CADM2: variants seen among roughly 807,000 people sequenced by gnomAD.
CADM2 encodes cell adhesion molecule 2, also known as immunoglobulin superfamily member 4D.
CADM2 carries 12 observed loss-of-function variants against 49.8 expected under a neutral mutation model. The ratio of observed to expected loss-of-function variants is 0.24; its 90% CI spans 0.15 to 0.39. The LOEUF is 0.39. Among genes scored for constraint, CADM2 ranks in the 10% least tolerant of loss-of-function variants. The pLI, the probability that CADM2 is intolerant of heterozygous loss-of-function variation, is 1.00. For missense variants in CADM2, 378 were observed against 492.3 expected (o/e 0.77, Z 2.20); for synonymous variants, 214 against 175.4 (o/e 1.22, Z -1.74).
At chr3:86,019,996 AGAACT>A (rs1247418711) in intron 8 of CADM2, among the ~76,000 whole-genome samples, 6 of 152,342 alleles carry the variant, frequency 3.9e-5, no homozygotes, top group African/African-American at 1.4e-4. Context: ...AAATCAGAAC[AGAACT>A]GAAGGAAATA....
In CADM2 at chr3:85,076,778, C is replaced by G. The variant is rs186803123; in HGVS notation, c.61+117110C>G. On this transcript the variant is annotated intron_variant, in intron 1 of 9. Coordinates refer to ENST00000383699, the MANE Select transcript of CADM2 (RefSeq NM_001167675.2). ...CCTGAAGTCAGGAGTTCGAGACCAG[C>G]CTGACCAACATGGTTAAACTCCATC... Among the ~76,000 whole-genome samples the G allele has an allele frequency of 3.5e-3, 526 of 152,112 alleles. 5 individuals carry two copies. Among genetic ancestry groups the G allele is most frequent in the African/African-American group, 0.012 (497 of 41,522 alleles).
At chr3:85,937,294 T>A (rs1721287101) in intron 7 of CADM2, among the ~76,000 whole-genome samples, 1 of 151,852 alleles carries the variant, frequency 6.6e-6, no homozygotes. Flanking sequence ...AAAAGCACAA[T>A]AATTTCTTAT....
chr3:85,893,918 C>G (rs564660122), intron 5 of CADM2, among the ~76,000 whole-genome samples: 1 of 152,290 alleles, frequency 6.6e-6, no homozygotes, highest in South Asian at 2.1e-4. Context: ...ACGAATTCAA[C>G]CGTTGTGGAA....
At chr3:85,990,471 G>A (rs369582345) in intron 8 of CADM2, among the ~76,000 whole-genome samples, 3 of 152,116 alleles carry the variant, frequency 2.0e-5, no homozygotes, top group South Asian at 4.1e-4. Context: ...AAATTTAGGC[G>A]CATCTGTATG....
intron 1 of CADM2, among the ~76,000 whole-genome samples, chr3:85,335,033 C>A (rs2045039573): frequency 6.6e-6 from 1 of 151,072 alleles, no homozygotes; most frequent in African/African-American, 2.4e-5. Context: ...TAAAATATTT[C>A]TAGGTTGTGA....
intron 3 of CADM2, among the ~76,000 whole-genome samples, chr3:85,804,346 A>C (rs1347777580): frequency 6.6e-6 from 1 of 152,142 alleles, no homozygotes; most frequent in Non-Finnish European, 1.5e-5. Flanking sequence ...TTAATTTATA[A>C]ATACTACTTT....
intron 1 of CADM2, among the ~76,000 whole-genome samples, chr3:85,049,898 T>C (rs1021134047): frequency 1.1e-4 from 17 of 152,120 alleles, no homozygotes; most frequent in African/African-American, 4.1e-4. Context: ...TCCCTTATAC[T>C]CAGGCTGCTA....
At chr3:85,019,412 G>T (rs1448817306) in intron 1 of CADM2, among the ~76,000 whole-genome samples, 1 of 152,130 alleles carries the variant, frequency 6.6e-6, no homozygotes, top group African/African-American at 2.4e-5. Flanking sequence ...GAGCCCAGGA[G>T]GTCGAGGCTG....
Position 85,715,198 on chromosome 3 carries a change from T to C in CADM2, c.62-11324T>C, listed in dbSNP as rs577515277. Among the ~76,000 whole-genome samples, 35 of 152,320 alleles carry C rather than the reference T, an allele frequency of 2.3e-4. No individual in the cohort carries two copies. In the South Asian group the frequency reaches 2.5e-3, roughly 11 times the overall value. ...ACCTTCTGCCTTAGCATATAAACTC[T>C]TAGTGGTAGATACCATCCCACTGTT... On this transcript the variant is annotated intron_variant, in intron 1 of 9. Coordinates refer to ENST00000383699, the MANE Select transcript of CADM2 (RefSeq NM_001167675.2).
chr3:85,239,519 AT>A (rs2042482632), intron 1 of CADM2, among the ~76,000 whole-genome samples: 1 of 151,658 alleles, frequency 6.6e-6, no homozygotes, highest in South Asian at 2.1e-4. Context: ...GAGGGACTTC[AT>A]TTTTAACGAA....
At chr3:85,900,083 A>T (rs1291028033) in intron 5 of CADM2, among the ~76,000 whole-genome samples, 2 of 152,130 alleles carry the variant, frequency 1.3e-5, no homozygotes, top group African/African-American at 4.8e-5. Flanking sequence ...AAATCTCTCA[A>T]GATATTAAGC....
intron 1 of CADM2, among the ~76,000 whole-genome samples, chr3:85,498,947 T>C (rs923830047): frequency 1.3e-5 from 2 of 152,134 alleles, no homozygotes; most frequent in African/African-American, 4.8e-5. Flanking sequence ...ACGTTAAGAA[T>C]TGACATTTGC....
At position 85,288,658 on chromosome 3, in the gene CADM2, C is replaced by T. The variant is rs558598302; in HGVS notation, c.61+328990C>T. ...CTCAGCTATACCTGATCTGTAGGTG[C>T]ACATGCAAAATTCAGTGATAAGATT... On this transcript the variant is annotated intron_variant, in intron 1 of 9. Coordinates refer to ENST00000383699, the MANE Select transcript of CADM2 (RefSeq NM_001167675.2). Among the ~76,000 whole-genome samples the T allele has an allele frequency of 2.8e-4, 42 of 152,078 alleles. No individual in the cohort carries two copies. The East Asian group carries it at 8.1e-3, about 29-fold the overall frequency.
At chr3:85,409,982 C>T (rs549703081) in intron 1 of CADM2, among the ~76,000 whole-genome samples, 1 of 152,118 alleles carries the variant, frequency 6.6e-6, no homozygotes, top group Non-Finnish European at 1.5e-5. Flanking sequence ...ACTGACAACT[C>T]TTGAGTATTC....
At chr3:85,683,705 T>C (rs1434141756) in intron 1 of CADM2, among the ~76,000 whole-genome samples, 1 of 152,156 alleles carries the variant, frequency 6.6e-6, no homozygotes, top group African/African-American at 2.4e-5. Context: ...CTAGTACAAG[T>C]AGGAAAATAA....
chr3:85,935,700 G>T, intron 6 of CADM2, 67 bp from the exon 7 acceptor site: 1 of 734,624 alleles, frequency 1.4e-6, no homozygotes, highest in Non-Finnish European at 2.3e-6. Flanking sequence ...ACAGCATGAT[G>T]CACAGTTATT....
intron 2 of CADM2, among the ~76,000 whole-genome samples, chr3:85,739,357 T>C (rs1410233896): frequency 1.3e-5 from 2 of 152,118 alleles, no homozygotes; most frequent in East Asian, 3.9e-4. Context: ...TTATAACTTA[T>C]AAAACTGATA....
intron 1 of CADM2, among the ~76,000 whole-genome samples, chr3:85,592,884 G>C (rs2063145869): frequency 6.6e-6 from 1 of 151,824 alleles, no homozygotes; most frequent in South Asian, 2.1e-4. Flanking sequence ...GCCCCAGTGG[G>C]TGATGTTCCC....
chr3:85,510,555 A>AT (rs1559877702), intron 1 of CADM2, among the ~76,000 whole-genome samples: 1 of 151,972 alleles, frequency 6.6e-6, no homozygotes, highest in African/African-American at 2.4e-5. Context: ...TTCAGTTTTA[A>AT]TTTTTTTAAT....
Sources: allele counts gnomAD v4.1 joint callset (sites outside exome capture counted in the v4.1 genomes callset), GRCh38; gene constraint gnomAD v4.1.1; transcripts MANE v1.5; gene names NCBI Gene and HGNC (gene_info 2026-07-23, HGNC 2026-07-21).